ZDHHC6: variants seen among roughly 807,000 people sequenced by gnomAD.
ZDHHC6 encodes zDHHC palmitoyltransferase 6.
In ZDHHC6, 32 loss-of-function variants were observed where a neutral mutation model predicts 57.8. The ratio of observed to expected loss-of-function variants is 0.55; its 90% confidence interval spans 0.42 to 0.74. The LOEUF (loss-of-function observed/expected upper bound fraction) is 0.74, where lower values mean the gene tolerates loss of function less well. ZDHHC6 is among the 30% of genes least tolerant of loss of function. ZDHHC6 has a pLI of 0.00. For missense variants in ZDHHC6, 433 were observed against 500.7 expected (o/e 0.86, Z 1.29); for synonymous variants, 128 against 158.0 (o/e 0.81, Z 1.42).
chr10:112,435,884 T>C (rs987065507), intron 6 of ZDHHC6, among the ~76,000 whole-genome samples: 1 of 152,134 alleles, frequency 6.6e-6, no homozygotes, highest in Non-Finnish European at 1.5e-5. Flanking sequence ...TCTATCAATA[T>C]TGTGTGTTAA....
chr10:112,447,109 A>G (rs1846850848), upstream of ZDHHC6: 4 of 477,170 alleles, frequency 8.4e-6, no homozygotes, highest in South Asian at 5.4e-5. Flanking sequence ...TTCTGGGGGG[A>G]GGCACTAATT....
At chr10:112,427,227 A>G, downstream of ZDHHC6, 1 of 1,611,950 alleles carries the variant, frequency 6.2e-7, no homozygotes, top group Non-Finnish European at 8.5e-7. Context: ...GGTCAAAGCC[A>G]TTTTTCTTCA....
At chr10:112,447,280 T>C, upstream of ZDHHC6, 1 of 1,397,248 alleles carries the variant, frequency 7.2e-7, no homozygotes, top group Non-Finnish European at 9.8e-7. Context: ...CGGGGGCACC[T>C]TCCGGGGTTC....
At chr10:112,441,346 G>A (rs1007580480) in intron 4 of ZDHHC6, among the ~76,000 whole-genome samples, 6 of 152,004 alleles carry the variant, frequency 3.9e-5, no homozygotes, top group Admixed American at 2.6e-4. Flanking sequence ...ATTCTACATC[G>A]CAGTATTCTT....
intron 5 of ZDHHC6, among the ~76,000 whole-genome samples, chr10:112,439,883 T>C (rs1320806147): frequency 6.6e-6 from 1 of 152,028 alleles, no homozygotes; most frequent in Non-Finnish European, 1.5e-5. Flanking sequence ...AGGCTTTAAA[T>C]AGCATCTTTA....
intron 5 of ZDHHC6, 77 bp downstream of exon 5, chr10:112,440,457 T>C: frequency 6.9e-7 from 1 of 1,452,512 alleles, no homozygotes; most frequent in Non-Finnish European, 9.3e-7. Flanking sequence ...GACACTTAAA[T>C]ACAGGCTTTG....
downstream of ZDHHC6, chr10:112,427,240 C>T (rs1310516510): frequency 3.7e-6 from 6 of 1,612,156 alleles, no homozygotes; most frequent in Non-Finnish European, 5.1e-6. Context: ...TTTCTTCATC[C>T]AGAGCCATTT....
chr10:112,424,464 A>G (rs1844593063), exon 12 of ZDHHC6: 1 of 152,250 alleles, frequency 6.6e-6, no homozygotes, highest in South Asian at 2.1e-4. Flanking sequence ...GTTTGGTAGT[A>G]TCTTGCTAAT....
At chr10:112,432,570 T>C in intron 8 of ZDHHC6, 49 bp from the exon 9 acceptor site, 1 of 1,576,772 alleles carries the variant, frequency 6.3e-7, no homozygotes, top group Non-Finnish European at 8.6e-7. Flanking sequence ...CCATGATATC[T>C]GAGTTTTAAG....
rs191511124 is a variant in ZDHHC6, at chr10:112,440,199, G to A, written c.681+335C>T. Among the ~76,000 whole-genome samples, 5 of 152,048 alleles carry A rather than the reference G, an allele frequency of 3.3e-5. No individual in the cohort carries two copies. In the East Asian group the frequency reaches 9.7e-4, roughly 29 times the overall value. Reference sequence around the variant, plus strand: ...TTTTGAGAATCAATGAATTAATCACGTGTTGGGAAGGGAAAACAGTAAGAC... The same window carrying A: ...TTTTGAGAATCAATGAATTAATCACATGTTGGGAAGGGAAAACAGTAAGAC... On this transcript the variant is annotated intron_variant, in intron 5 of 10. Coordinates refer to ENST00000369405, the MANE Select transcript of ZDHHC6 (RefSeq NM_022494.3).
Position 112,430,507 on chromosome 10 carries a change from C to T in ZDHHC6, c.*297G>A, listed in dbSNP as rs1844922458. Reference sequence around the variant, plus strand: ...GGGGAACTGTATCTGCAGGTGAGGTCCAGAGTGTGCAGTGCATAAGAAAAT... The same window carrying T: ...GGGGAACTGTATCTGCAGGTGAGGTTCAGAGTGTGCAGTGCATAAGAAAAT... On this transcript the variant is annotated 3_prime_UTR_variant, in exon 11 of 11. Transcript: ENST00000369405. 4.4e-6 allele frequency: 1 copy of T among 228,614 alleles called. No homozygotes were observed. Among genetic ancestry groups the T allele is most frequent in the African/African-American group, 2.3e-5 (1 of 43,618 alleles). 14.2% of individuals were successfully genotyped at this position (228,614 alleles called of 1,614,324 possible).
chr10:112,430,865 T>C lies in ZDHHC6; in HGVS notation c.1181A>G (p.Glu394Gly), dbSNP rs757997315. Residue 394 changes from glutamate (E) to glycine (G), a missense_variant, in exon 11 of 11, where the codon GAA becomes GGA. Coordinates refer to ENST00000369405, the MANE Select transcript of ZDHHC6 (RefSeq NM_022494.3). ...IRGWFPRKCV[E>G]KCPCDAETDQ... ...TGTTTCAGCATCACAGGGACACTTT[T>C]CCACACATTTTCTAGGGAACCAACC... 1.2e-5 allele frequency: 19 copies of C among 1,613,866 alleles called. No homozygotes were observed. The South Asian group carries it at 2.1e-4, about 18-fold the overall frequency.
chr10:112,429,588 AG>A (rs946485391), downstream of ZDHHC6, among the ~76,000 whole-genome samples: 10 of 152,220 alleles, frequency 6.6e-5, no homozygotes, highest in African/African-American at 2.4e-4. Context: ...TGAAGTCCAG[AG>A]AAATAGGCTT....
chr10:112,438,352 G>T lies in ZDHHC6; in HGVS notation c.719C>A (p.Ser240Ter). 1.5e-6 allele frequency: 2 copies of T among 1,366,084 alleles called. No individual in the cohort carries two copies. The highest frequency in any genetic ancestry group is 1.5e-5 in the South Asian group (1 of 64,954). The allele number at this position is 1,366,084 out of a possible 1,614,324, so 84.6% of individuals were successfully genotyped here. A position where few individuals can be genotyped will look rare whatever the true frequency, so the allele number is the denominator to read the frequency against. The change falls in exon 6 of 11, where the codon TCA becomes TAA. Residue 240 changes from serine to a stop codon, truncating the protein, a stop_gained. Coordinates refer to ENST00000369405, the MANE Select transcript of ZDHHC6 (RefSeq NM_022494.3). LOFTEE classifies it high-confidence loss of function. ...AAAATTTACCTTCTCTTCAATCCAT[G>T]ACTCAATAGAAGTTTTGTTTCTGAG... ...IILRNKTSIE[S>*]WIEEKAKDRI...
intron 2 of ZDHHC6, among the ~76,000 whole-genome samples, chr10:112,444,452 T>C (rs1296438027): frequency 6.6e-6 from 1 of 152,236 alleles, no homozygotes; most frequent in East Asian, 1.9e-4. Flanking sequence ...TATAAGCTCT[T>C]TCAGAGTTCA....
downstream of ZDHHC6, chr10:112,426,505 T>A (rs1016256383): frequency 1.2e-5 from 8 of 655,616 alleles, no homozygotes; most frequent in Non-Finnish European, 2.1e-5. Context: ...GGATGGAGAG[T>A]TTAAAAAATA....
intron 9 of ZDHHC6, 40 bp from the exon 10 acceptor site, chr10:112,432,326 G>C: frequency 1.9e-6 from 3 of 1,608,002 alleles, no homozygotes; most frequent in Non-Finnish European, 2.5e-6. Context: ...TTTTAGGCTA[G>C]ATATTAATTT....
intron 8 of ZDHHC6, among the ~76,000 whole-genome samples, chr10:112,433,030 A>C (rs758023784): frequency 2.6e-4 from 40 of 152,226 alleles, no homozygotes; most frequent in Non-Finnish European, 4.6e-4. Flanking sequence ...TATGTTGGCA[A>C]TATAAATGGA....
chr10:112,435,297 G>T (rs1845418701), intron 6 of ZDHHC6, among the ~76,000 whole-genome samples: 2 of 152,000 alleles, frequency 1.3e-5, no homozygotes, highest in African/African-American at 4.8e-5. Context: ...TATAGTGTCT[G>T]GTAATTTCTA....
Sources: gnomAD v4.1 joint callset for allele counts (sites outside exome capture counted in the v4.1 genomes callset) on GRCh38, gnomAD v4.1.1 for gene constraint, MANE v1.5 for transcripts, NCBI Gene and HGNC (gene_info 2026-07-23, HGNC 2026-07-21) for gene names.